Variants in ANKFN1 observed in about 807,000 individuals in gnomAD.
The protein encoded by ANKFN1 is ankyrin repeat and fibronectin type III domain containing 1, also known as ankyrin repeat and fibronectin type-III domain-containing protein 1.
ANKFN1 carries 74 observed loss-of-function variants against 108.7 expected under a neutral mutation model. That is an observed-to-expected ratio of 0.68 (90% CI 0.56 to 0.83). ANKFN1 has a LOEUF of 0.83. Among genes scored for constraint, ANKFN1 ranks in the 40% least tolerant of loss-of-function variants. The pLI is 0.00. For missense variants in ANKFN1, 1,505 were observed against 1,382.3 expected (o/e 1.09, Z -1.41); for synonymous variants, 547 against 516.2 (o/e 1.06, Z -0.81).
At chr17:56,178,930 G>A (rs771208758) in intron 1 of ANKFN1, among the ~76,000 whole-genome samples, 7 of 151,996 alleles carry the variant, frequency 4.6e-5, no homozygotes, top group African/African-American at 1.2e-4. Context: ...TATTTTCTAC[G>A]CAATATTCTC....
At chr17:56,137,066 A>G (rs1381644085) in intron 4 of ANKFN1, among the ~76,000 whole-genome samples, 1 of 152,224 alleles carries the variant, frequency 6.6e-6, no homozygotes, top group Non-Finnish European at 1.5e-5. Flanking sequence ...TGCACAGATG[A>G]GGCAGACACA....
intron 8 of ANKFN1, among the ~76,000 whole-genome samples, chr17:56,377,875 A>G (rs570326885): frequency 3.3e-5 from 5 of 152,188 alleles, no homozygotes; most frequent in Admixed American, 2.6e-4. Flanking sequence ...TTGGGCCTCG[A>G]AGTGGCCACA....
intron 1 of ANKFN1, among the ~76,000 whole-genome samples, chr17:56,177,029 C>A (rs1392420745): frequency 6.6e-6 from 1 of 152,234 alleles, no homozygotes; most frequent in Non-Finnish European, 1.5e-5. Flanking sequence ...TCCAGGAACT[C>A]ATGCCAACTT....
intron 4 of ANKFN1, among the ~76,000 whole-genome samples, chr17:56,125,806 CA>C (rs1906891785): frequency 6.6e-6 from 1 of 152,150 alleles, no homozygotes; most frequent in African/African-American, 2.4e-5. Context: ...CAGGTAAAGC[CA>C]TGAGCAAAGG....
At chr17:56,085,992 CAT>C (rs1567783949) in intron 4 of ANKFN1, among the ~76,000 whole-genome samples, 1 of 150,904 alleles carries the variant, frequency 6.6e-6, no homozygotes, top group African/African-American at 2.4e-5. Flanking sequence ...TGGTGGAAAA[CAT>C]ATATAATTTA....
chr17:56,215,247 A>G (rs75434884), intron 2 of ANKFN1, among the ~76,000 whole-genome samples: 8,072 of 152,318 alleles, frequency 0.053, 320 homozygotes, highest in Middle Eastern at 0.13. Flanking sequence ...ACCACACTGC[A>G]TGAGTCCAGA....
intron 4 of ANKFN1, among the ~76,000 whole-genome samples, chr17:56,110,216 T>C (rs1477454703): frequency 6.6e-6 from 1 of 152,220 alleles, no homozygotes. Context: ...ACTCGAGCCT[T>C]CTTCCCTGAA....
intron 4 of ANKFN1, among the ~76,000 whole-genome samples, chr17:56,107,560 C>T (rs1196583230): frequency 6.6e-6 from 1 of 152,164 alleles, no homozygotes; most frequent in African/African-American, 2.4e-5. Flanking sequence ...AACTAAGCTA[C>T]AGTCAAAATT....
In ANKFN1 at chr17:56,438,458, A is replaced by G. The variant is rs566810688; in HGVS notation, c.911-1869A>G. On this transcript the variant is annotated intron_variant, in intron 8 of 20. Coordinates refer to ENST00000682825, the MANE Select transcript of ANKFN1 (RefSeq NM_001370326.1). ...AAGAAGGTCCTTGAATGCCTTCCTAAGATTTCATTTTATTTCAAAGCAACT... is the reference window on the plus strand; with the variant it reads ...AAGAAGGTCCTTGAATGCCTTCCTAGGATTTCATTTTATTTCAAAGCAACT... Among the ~76,000 whole-genome samples the G allele has an allele frequency of 3.3e-5, 5 of 152,344 alleles. No homozygotes were observed. The South Asian group carries it at 8.3e-4, about 25-fold the overall frequency.
chr17:56,298,576 G>A (rs528398424), intron 3 of ANKFN1, among the ~76,000 whole-genome samples: 21 of 151,222 alleles, frequency 1.4e-4, no homozygotes, highest in Non-Finnish European at 2.9e-4. Context: ...AAGTCTTAAA[G>A]CCCCCTGCTA....
chr17:56,079,113 C>A (rs1467071555), intron 4 of ANKFN1, among the ~76,000 whole-genome samples: 1 of 152,154 alleles, frequency 6.6e-6, no homozygotes, highest in Non-Finnish European at 1.5e-5. Context: ...TGAAGTCTAT[C>A]TGTGGAAAAG....
intron 4 of ANKFN1, among the ~76,000 whole-genome samples, chr17:56,062,661 A>G (rs1294732675): frequency 6.6e-6 from 1 of 151,224 alleles, no homozygotes; most frequent in Non-Finnish European, 1.5e-5. Context: ...TCTTGAATAC[A>G]GTGCACCAAT....
intron 13 of ANKFN1, among the ~76,000 whole-genome samples, chr17:56,457,658 T>C (rs903286576): frequency 6.6e-6 from 1 of 152,206 alleles, no homozygotes; most frequent in Non-Finnish European, 1.5e-5. Context: ...TGGCAAAGAC[T>C]AAAATGTGGA....
intron 4 of ANKFN1, 124 bp downstream of exon 4, chr17:56,326,479 G>T: frequency 8.0e-7 from 1 of 1,253,830 alleles, no homozygotes; most frequent in Non-Finnish European, 1.1e-6. Flanking sequence ...ATCTTCCAAA[G>T]TTAGCTGCAG....
At chr17:56,099,471 A>G (rs189353949) in intron 4 of ANKFN1, among the ~76,000 whole-genome samples, 1 of 152,208 alleles carries the variant, frequency 6.6e-6, no homozygotes, top group East Asian at 1.9e-4. Flanking sequence ...AGGGTGTTCA[A>G]CACCTTTAGA....
At position 56,315,621 on chromosome 17, in the gene ANKFN1, G is replaced by A. The variant is rs141431119; in HGVS notation, c.54-10600G>A. ...GCTGTGCTGCAAGGTGCATCCAGTA[G>A]GTTTCACAATGCAGAAGAATGACAT... On this transcript the variant is annotated intron_variant, in intron 3 of 20. Transcript: ENST00000682825. 5.4e-3 allele frequency among the ~76,000 whole-genome samples: 826 copies of A among 152,288 alleles called. 12 individuals carry two copies. The highest frequency in any genetic ancestry group is 0.019 in the African/African-American group (792 of 41,530).
chr17:56,285,961 C>T (rs2144274332), intron 3 of ANKFN1, among the ~76,000 whole-genome samples: 1 of 152,210 alleles, frequency 6.6e-6, no homozygotes, highest in South Asian at 2.1e-4. Context: ...TACCTGTTGT[C>T]CCAGAGTCCC....
intron 8 of ANKFN1, among the ~76,000 whole-genome samples, chr17:56,380,142 C>G (rs1042435389): frequency 1.3e-5 from 2 of 152,190 alleles, no homozygotes; most frequent in African/African-American, 4.8e-5. Context: ...TCAGAACAGT[C>G]TAATTATTTT....
chr17:56,106,737 G>T (rs994421), intron 4 of ANKFN1, among the ~76,000 whole-genome samples: 1 of 151,904 alleles, frequency 6.6e-6, no homozygotes, highest in Admixed American at 6.6e-5. Context: ...CATCTTGAAG[G>T]CCGTCCAGTC....
Sources: gnomAD v4.1 joint callset for allele counts (sites outside exome capture counted in the v4.1 genomes callset) on GRCh38, gnomAD v4.1.1 for gene constraint, MANE v1.5 for transcripts, NCBI Gene and HGNC (gene_info 2026-07-23, HGNC 2026-07-21) for gene names.